The following MC2R variants were observed in gnomAD, a reference collection of about 807,000 sequenced individuals.
MC2R encodes the protein melanocortin 2 receptor, also known as adrenocorticotropic hormone receptor.
MC2R carries 9 observed loss-of-function variants against 9.8 expected under a neutral mutation model. That is an observed-to-expected ratio of 0.92 (90% CI 0.55 to 1.60). MC2R has a LOEUF of 1.60. Among genes scored for constraint, MC2R ranks in the 40% most tolerant of loss-of-function variants. The pLI is 0.00. For synonymous variants in MC2R, 185 were observed against 154.7 expected (o/e 1.20, Z -1.45); for missense variants, 370 against 389.0 (o/e 0.95, Z 0.41).
chr18:13,894,123 G>A (rs544538938), intron 1 of MC2R, among the ~76,000 whole-genome samples: 30 of 150,312 alleles, frequency 2.0e-4, no homozygotes, highest in Non-Finnish European at 4.0e-4. Context: ...ATGAGAAATA[G>A]AAGCATGTGT....
In MC2R at chr18:13,900,852, T is replaced by G. The variant is rs1475542374; in HGVS notation, c.-129+14636A>C. The stretch of plus-strand genomic sequence containing the variant: ...CTGGACAGATCTTCAAGGCAGAAAA[T>G]CAACAAAGAAACATCAGATTTAACC... On this transcript the variant is annotated intron_variant, in intron 1 of 1. Coordinates refer to ENST00000327606, the MANE Select transcript of MC2R (RefSeq NM_000529.2). Among the ~76,000 whole-genome samples, 3 of 151,928 alleles carry G rather than the reference T, an allele frequency of 2.0e-5. No homozygotes were observed. In the East Asian group the frequency reaches 5.8e-4, roughly 29 times the overall value.
rs2045242297 is a variant in MC2R at position 13,882,960 on chromosome 18, C to T, written c.*1665G>A. On this transcript the variant is annotated 3_prime_UTR_variant, in exon 2 of 2. Coordinates refer to ENST00000327606, the MANE Select transcript of MC2R (RefSeq NM_000529.2). ...AGAGGACAAGAAGGTGCACCTTTCA[C>T]CTCCATCTGTGGGACAGGCCATGTG... 1 of 152,190 alleles carries T rather than the reference C, an allele frequency of 6.6e-6. No homozygotes were observed. The highest frequency in any genetic ancestry group is 2.1e-4 in the South Asian group (1 of 4,832). The allele number at this position is 152,190 out of a possible 1,614,324, so 9.4% of individuals were successfully genotyped here.
intron 1 of MC2R, among the ~76,000 whole-genome samples, chr18:13,907,752 C>T (rs1013449842): frequency 5.9e-5 from 9 of 152,130 alleles, no homozygotes; most frequent in African/African-American, 2.2e-4. Flanking sequence ...ATAAGACATA[C>T]AAATGGCCAA....
chr18:13,893,477 A>G (rs1372738406), intron 1 of MC2R, among the ~76,000 whole-genome samples: 1 of 152,218 alleles, frequency 6.6e-6, no homozygotes, highest in African/African-American at 2.4e-5. Context: ...AAGGTGCCCA[A>G]GCTCATCAGG....
intron 1 of MC2R, among the ~76,000 whole-genome samples, chr18:13,897,501 G>A (rs186379739): frequency 2.5e-4 from 38 of 152,240 alleles, no homozygotes; most frequent in African/African-American, 9.1e-4. Flanking sequence ...CAGCGGACTT[G>A]GGGGGCGCAC....
intron 1 of MC2R, among the ~76,000 whole-genome samples, chr18:13,895,094 G>A (rs966326858): frequency 2.0e-5 from 3 of 152,154 alleles, no homozygotes; most frequent in Non-Finnish European, 4.4e-5. Context: ...TGAGGTGCAC[G>A]GTAATAATTT....
chr18:13,913,495 C>T (rs1471765890), intron 1 of MC2R, among the ~76,000 whole-genome samples: 6 of 152,200 alleles, frequency 3.9e-5, no homozygotes, highest in Middle Eastern at 3.2e-3. Context: ...GCTAGCACAG[C>T]GCTTGGCACA....
chr18:13,909,493 G>A (rs533417285), intron 1 of MC2R, among the ~76,000 whole-genome samples: 32 of 152,316 alleles, frequency 2.1e-4, no homozygotes, highest in African/African-American at 7.7e-4. Context: ...ACCTCCTTGA[G>A]GGTGGAGTGT....
Position 13,885,606 on chromosome 18 carries a change from G to A in MC2R, c.-88C>T. The A allele has an allele frequency of 7.0e-7, 1 of 1,433,648 alleles. No homozygotes were observed. The highest frequency in any genetic ancestry group is 9.7e-7 in the Non-Finnish European group (1 of 1,025,836). The allele number at this position is 1,433,648 out of a possible 1,614,324, so 88.8% of individuals were successfully genotyped here. ...GATTCTTCAGGATCTTTTCTTCCTTGTAGCACTTGCTGGAGATCTAAGTTA... is the reference window on the plus strand; with the variant it reads ...GATTCTTCAGGATCTTTTCTTCCTTATAGCACTTGCTGGAGATCTAAGTTA... On this transcript the variant is annotated 5_prime_UTR_variant, in exon 2 of 2. Transcript: ENST00000327606.
Position 13,885,284 on chromosome 18 carries a change from A to G in MC2R, c.235T>C (p.Leu79=). The change falls in exon 2 of 2, where the codon TTG becomes CTG. Residue 79 remains leucine (L), a synonymous_variant. Coordinates refer to ENST00000327606, the MANE Select transcript of MC2R (RefSeq NM_000529.2). Reference sequence around the variant, plus strand: ...CTCAATATGATCAGGATATTTTCCAAGATCTTATATAGGCTGCCCAGCATA... The same window carrying G: ...CTCAATATGATCAGGATATTTTCCAGGATCTTATATAGGCTGCCCAGCATA... ...SDMLGSLYKI[L]ENILIILRNM... 6.2e-7 allele frequency: 1 copy of G among 1,614,184 alleles called. No homozygotes were observed. Among genetic ancestry groups the G allele is most frequent in the African/African-American group, 1.3e-5 (1 of 75,044 alleles).
rs35730855 is a variant in MC2R, at chr18:13,885,694, T to C, written c.-128-48A>G. 8.3e-4 allele frequency: 562 copies of C among 675,778 alleles called. 1 individual carries two copies. Among genetic ancestry groups the C allele is most frequent in the Non-Finnish European group, 1.1e-3 (440 of 395,506 alleles). The allele number at this position is 675,778 out of a possible 1,614,324, so 41.9% of individuals were successfully genotyped here. Reference sequence around the variant, plus strand: ...ATTAGTTGCAAAGTACACTAGAAAATAAAAACCAGCCACACTCGCTTAAAG... The same window carrying C: ...ATTAGTTGCAAAGTACACTAGAAAACAAAAACCAGCCACACTCGCTTAAAG... On this transcript the variant is annotated intron_variant, in intron 1 of 1. Coordinates refer to ENST00000327606, the MANE Select transcript of MC2R (RefSeq NM_000529.2).
intron 1 of MC2R, among the ~76,000 whole-genome samples, chr18:13,887,122 C>T (rs1351846623): frequency 6.6e-6 from 1 of 152,166 alleles, no homozygotes; most frequent in Non-Finnish European, 1.5e-5. Flanking sequence ...CCTGCCCAGG[C>T]CCGGGGAAGC....
At chr18:13,908,689 A>T (rs1317837071) in intron 1 of MC2R, among the ~76,000 whole-genome samples, 1 of 94,848 alleles carries the variant, frequency 1.1e-5, no homozygotes, top group Admixed American at 1.1e-4. Flanking sequence ...ATTGCAGTTC[A>T]ACGGTGCAGG....
rs369863882 is a variant in MC2R, at chr18:13,891,550, G to C, written c.-128-5904C>G. ...GTTGACATCCTCACCAGCAATGCCTGAGTGCCTGCCCCTTCCCTAGCCTCT... is the reference window on the plus strand; with the variant it reads ...GTTGACATCCTCACCAGCAATGCCTCAGTGCCTGCCCCTTCCCTAGCCTCT... On this transcript the variant is annotated intron_variant, in intron 1 of 1. Transcript: ENST00000327606. Among the ~76,000 whole-genome samples, 12 of 152,336 alleles carry C rather than the reference G, an allele frequency of 7.9e-5. No homozygotes were observed. In the South Asian group the frequency reaches 2.5e-3, roughly 32 times the overall value.
rs2045265865 is a variant in MC2R at position 13,885,032 on chromosome 18, T to C, written c.487A>G (p.Ile163Val). The change falls in exon 2 of 2, where the codon ATC becomes GTC. Residue 163 changes from isoleucine to valine, a missense_variant. By Grantham distance (29) the Ile-to-Val change is conservative. Coordinates refer to ENST00000327606, the MANE Select transcript of MC2R (RefSeq NM_000529.2). ...VIWTFCTGTG[I>V]TMVIFSHHVP... is the part of the protein sequence containing the mutation. ...TGATGGGAGAAGATCACCATGGTGA[T>C]GCCAGTCCCCGTGCAGAACGTCCAG... 1 of 1,614,184 alleles carries C rather than the reference T, an allele frequency of 6.2e-7. No individual in the cohort carries two copies. The highest frequency in any genetic ancestry group is 1.1e-5 in the South Asian group (1 of 91,080).
At chr18:13,908,940 T>C (rs2045429352) in intron 1 of MC2R, among the ~76,000 whole-genome samples, 1 of 152,210 alleles carries the variant, frequency 6.6e-6, no homozygotes, top group Non-Finnish European at 1.5e-5. Flanking sequence ...GTTAACATCT[T>C]ACCTGAGTAT....
At chr18:13,898,060 C>G (rs111734014) in intron 1 of MC2R, among the ~76,000 whole-genome samples, 2,555 of 152,050 alleles carry the variant, frequency 0.017, 28 homozygotes, top group Non-Finnish European at 0.026. Flanking sequence ...AATAGAGTAC[C>G]AAGCAGGCTC....
chr18:13,905,932 T>C (rs2045411475), intron 1 of MC2R, among the ~76,000 whole-genome samples: 1 of 152,126 alleles, frequency 6.6e-6, no homozygotes, highest in Non-Finnish European at 1.5e-5. Context: ...GACGCACACC[T>C]GTAGTCCCAG....
intron 1 of MC2R, among the ~76,000 whole-genome samples, chr18:13,894,641 A>G (rs1378272524): frequency 1.3e-5 from 2 of 152,216 alleles, no homozygotes; most frequent in Non-Finnish European, 2.9e-5. Context: ...AAAACTTGGC[A>G]CTTACAGCTC....
Sources: allele counts gnomAD v4.1 joint callset (sites outside exome capture counted in the v4.1 genomes callset), GRCh38; gene constraint gnomAD v4.1.1; transcripts MANE v1.5; gene names NCBI Gene and HGNC (gene_info 2026-07-23, HGNC 2026-07-21).